The following CAST variants were observed in gnomAD, a reference collection of about 807,000 sequenced individuals.
CAST encodes the protein calpastatin.
CAST carries 76 observed loss-of-function variants against 119.6 expected under a neutral mutation model. The ratio of observed to expected loss-of-function variants is 0.64; its 90% CI spans 0.53 to 0.77. CAST has a LOEUF of 0.77. Ranked by LOEUF, CAST falls within the 30% of genes least tolerant of loss-of-function variation. The probability of loss-of-function intolerance (pLI) is 0.00; values close to 1 mark genes in which losing one functional copy is unlikely to be tolerated. For synonymous variants in CAST, 319 were observed against 331.6 expected, an observed-to-expected ratio of 0.96 and a Z score of 0.41; for missense variants, 953 against 946.5, an observed-to-expected ratio of 1.01 and a Z score of -0.09.
At chr5:96,298,269 G>A in the CAST span, among the ~76,000 whole-genome samples, 2 of 152,120 alleles carry the variant, frequency 1.3e-5, no homozygotes, top group Middle Eastern at 3.2e-3. Context: ...CTCCTCTTTT[G>A]ACTTTAAATC....
chr5:96,310,043 G>T, the CAST span, among the ~76,000 whole-genome samples: 1 of 152,192 alleles, frequency 6.6e-6, no homozygotes, highest in Non-Finnish European at 1.5e-5. Flanking sequence ...TCACCATTGA[G>T]TATAATGTTA....
the CAST span, among the ~76,000 whole-genome samples, chr5:96,331,759 C>T: frequency 6.6e-6 from 1 of 152,156 alleles, no homozygotes; most frequent in East Asian, 1.9e-4. Flanking sequence ...CTATCCCTGC[C>T]TGGTGGGTTT....
At chr5:96,496,769 T>G in the CAST span, among the ~76,000 whole-genome samples, 2 of 152,212 alleles carry the variant, frequency 1.3e-5, no homozygotes, top group Non-Finnish European at 1.5e-5. Context: ...ATGGAAAATA[T>G]TCGTCTTTAG....
chr5:96,353,145 T>A, the CAST span, among the ~76,000 whole-genome samples: 1 of 152,132 alleles, frequency 6.6e-6, no homozygotes, highest in Non-Finnish European at 1.5e-5. Flanking sequence ...CTCGAAGACT[T>A]ATTTTTGAAC....
the CAST span, among the ~76,000 whole-genome samples, chr5:96,312,022 G>C: frequency 6.6e-6 from 1 of 151,738 alleles, no homozygotes; most frequent in African/African-American, 2.4e-5. Flanking sequence ...TTTCTTTGTG[G>C]CTTGATGGTT....
intron 12 of CAST, among the ~76,000 whole-genome samples, chr5:96,740,448 G>GTC (rs1382049615): frequency 6.6e-6 from 1 of 151,812 alleles, no homozygotes; most frequent in African/African-American, 2.4e-5. Context: ...TTCTTCCCGT[G>GTC]TCTCTACACA....
At chr5:96,289,940 T>A in the CAST span, among the ~76,000 whole-genome samples, 3,337 of 145,388 alleles carry the variant, frequency 0.023, 112 homozygotes, top group African/African-American at 0.08. Context: ...GGTTTTTTTT[T>A]TAAAAAAAAC....
intron 1 of CAST, among the ~76,000 whole-genome samples, chr5:96,574,636 G>C (rs1054920478): frequency 1.1e-4 from 16 of 152,042 alleles, no homozygotes; most frequent in Admixed American, 3.3e-4. Context: ...AATTTTCCTT[G>C]TGTTTTCCTA....
At chr5:96,543,324 T>C (rs976334910) in intron 1 of CAST, among the ~76,000 whole-genome samples, 3 of 151,626 alleles carry the variant, frequency 2.0e-5, no homozygotes, top group South Asian at 4.2e-4. Context: ...TAAGTGGGAG[T>C]TGAACAATGA....
At chr5:96,485,649 C>T in the CAST span, among the ~76,000 whole-genome samples, 6 of 152,064 alleles carry the variant, frequency 3.9e-5, no homozygotes, top group African/African-American at 1.4e-4. Flanking sequence ...CCTTAGAAGT[C>T]AGAGAAGATA....
At chr5:96,052,657 A>T in the CAST span, among the ~76,000 whole-genome samples, 1 of 152,176 alleles carries the variant, frequency 6.6e-6, no homozygotes, top group Non-Finnish European at 1.5e-5. Context: ...CAAATTTTAG[A>T]TGAGCTTTTG....
intron 3 of CAST, among the ~76,000 whole-genome samples, chr5:96,704,296 A>T (rs1398996459): frequency 6.6e-6 from 1 of 152,230 alleles, no homozygotes; most frequent in Non-Finnish European, 1.5e-5. Context: ...TTGATTATAT[A>T]GAATTAGTGG....
intron 1 of CAST, among the ~76,000 whole-genome samples, chr5:96,652,346 A>G (rs933109060): frequency 3.9e-5 from 6 of 152,246 alleles, no homozygotes; most frequent in African/African-American, 7.2e-5. Flanking sequence ...CACGTTAGGG[A>G]AAAATGTAGA....
At chr5:95,999,712 C>A in the CAST span, among the ~76,000 whole-genome samples, 1,170 of 152,266 alleles carry the variant, frequency 7.7e-3, 15 homozygotes, top group African/African-American at 0.027. Context: ...CTGCTATGAA[C>A]ATTCTTATGA....
intron 2 of CAST, among the ~76,000 whole-genome samples, chr5:96,693,076 G>A (rs928421403): frequency 2.6e-5 from 4 of 152,186 alleles, no homozygotes; most frequent in Admixed American, 6.5e-5. Flanking sequence ...TTCAGTGCCA[G>A]ATGTCAACAA....
At chr5:96,393,386 A>G in the CAST span, 1 of 1,613,414 alleles carries the variant, frequency 6.2e-7, no homozygotes, top group Admixed American at 1.7e-5. Flanking sequence ...CTCCTAAAAC[A>G]TAGAATGCCA....
chr5:96,405,594 C>T, the CAST span, among the ~76,000 whole-genome samples: 4 of 152,056 alleles, frequency 2.6e-5, no homozygotes, highest in South Asian at 2.1e-4. Flanking sequence ...TTTCTTGAAC[C>T]GGAGGGGTTG....
the CAST span, among the ~76,000 whole-genome samples, chr5:96,463,057 C>T: frequency 6.6e-6 from 1 of 152,036 alleles, no homozygotes; most frequent in Non-Finnish European, 1.5e-5. Context: ...GACTGATACA[C>T]GTGATAACGT....
At chr5:96,415,934 T>C in the CAST span, 1 of 793,908 alleles carries the variant, frequency 1.3e-6, no homozygotes, top group Non-Finnish European at 2.3e-6. Context: ...AATTTGTTCC[T>C]CCAGTTGTTA....
Sources: gnomAD v4.1 joint callset for allele counts (sites outside exome capture counted in the v4.1 genomes callset) on GRCh38, gnomAD v4.1.1 for gene constraint, MANE v1.5 for transcripts, NCBI Gene and HGNC (gene_info 2026-07-23, HGNC 2026-07-21) for gene names.